LRRC4C: variants seen among roughly 807,000 people sequenced by gnomAD.
The protein encoded by LRRC4C is leucine-rich repeat-containing protein 4C.
LRRC4C carries 5 observed loss-of-function variants against 33.6 expected under a neutral mutation model. The ratio of observed to expected loss-of-function variants is 0.15; its 90% CI spans 0.08 to 0.31. The LOEUF is 0.31. Among genes scored for constraint, LRRC4C ranks in the 10% least tolerant of loss-of-function variants. The pLI, the probability that LRRC4C is intolerant of heterozygous loss-of-function variation, is 1.00. For synonymous variants in LRRC4C, 329 were observed against 302.0 expected, an observed-to-expected ratio of 1.09 and a Z score of -0.93; for missense variants, 560 against 796.7, an observed-to-expected ratio of 0.70 and a Z score of 3.58.
chr11:40,826,809 T>C (rs1230987569), intron 2 of LRRC4C, among the ~76,000 whole-genome samples: 2 of 151,948 alleles, frequency 1.3e-5, no homozygotes, highest in Non-Finnish European at 2.9e-5. Context: ...ACTGGAAGGA[T>C]TTCAATTCAG....
intron 3 of LRRC4C, among the ~76,000 whole-genome samples, chr11:40,506,599 T>A (rs1208213404): frequency 1.3e-5 from 2 of 152,108 alleles, no homozygotes; most frequent in African/African-American, 4.8e-5. Context: ...TCTCAAGGTT[T>A]AATCATGAAA....
intron 1 of LRRC4C, among the ~76,000 whole-genome samples, chr11:41,430,566 A>G (rs1955196528): frequency 6.6e-6 from 1 of 152,126 alleles, no homozygotes; most frequent in Admixed American, 6.6e-5. Flanking sequence ...GAAATCATCA[A>G]TATAAAAGAC....
chr11:40,862,557 A>G (rs1954155620), intron 2 of LRRC4C, among the ~76,000 whole-genome samples: 2 of 152,224 alleles, frequency 1.3e-5, no homozygotes, highest in Non-Finnish European at 2.9e-5. Context: ...TAAAAACCCA[A>G]ACAACTGACT....
At chr11:40,530,342 T>C (rs1956223669) in intron 3 of LRRC4C, among the ~76,000 whole-genome samples, 1 of 152,112 alleles carries the variant, frequency 6.6e-6, no homozygotes, top group Non-Finnish European at 1.5e-5. Flanking sequence ...CATGAATTTA[T>C]AGGATGTCGC....
chr11:41,366,425 T>C (rs1311121377), intron 1 of LRRC4C, among the ~76,000 whole-genome samples: 1 of 152,164 alleles, frequency 6.6e-6, no homozygotes, highest in Non-Finnish European at 1.5e-5. Flanking sequence ...ATTTTTTTGA[T>C]ATTTATGTTC....
chr11:40,665,526 ACT>A (rs948024575), intron 2 of LRRC4C, among the ~76,000 whole-genome samples: 4 of 151,056 alleles, frequency 2.6e-5, no homozygotes, highest in African/African-American at 9.8e-5. Flanking sequence ...GCATACCATG[ACT>A]CTTTCAGAGA....
chr11:40,983,070 A>G (rs921281572), intron 1 of LRRC4C, among the ~76,000 whole-genome samples: 1 of 152,160 alleles, frequency 6.6e-6, no homozygotes, highest in African/African-American at 2.4e-5. Context: ...TATCCAGTCT[A>G]TTATTAGTGG....
rs78853363 is a variant in LRRC4C at position 41,062,089 on chromosome 11, A to G, written c.-495-128366T>C. Among the ~76,000 whole-genome samples, 1,228 of 152,354 alleles carry G rather than the reference A, an allele frequency of 8.1e-3. 20 individuals carry two copies. The highest frequency in any genetic ancestry group is 0.028 in the African/African-American group (1,183 of 41,578). ...TTCTCACTATGGAAAATTTAATGAA[A>G]TAAAGTTTAAAAAACTTATTATAAT... On this transcript the variant is annotated intron_variant, in intron 1 of 6. Coordinates refer to ENST00000528697, the MANE Select transcript of LRRC4C (RefSeq NM_001258419.2).
At chr11:40,990,045 G>T (rs1388498374) in intron 1 of LRRC4C, among the ~76,000 whole-genome samples, 1 of 150,982 alleles carries the variant, frequency 6.6e-6, no homozygotes, top group African/African-American at 2.4e-5. Context: ...AGGGGCTTGA[G>T]TATGCAGAGA....
At chr11:40,425,317 C>G (rs1321927973) in intron 3 of LRRC4C, among the ~76,000 whole-genome samples, 2 of 152,068 alleles carry the variant, frequency 1.3e-5, no homozygotes, top group African/African-American at 4.8e-5. Context: ...AAGGATCAGC[C>G]TCTACATGAG....
chr11:41,286,655 T>C (rs916477176), intron 1 of LRRC4C, among the ~76,000 whole-genome samples: 3 of 71,550 alleles, frequency 4.2e-5, no homozygotes, highest in African/African-American at 1.3e-4. Context: ...CATTTACTCT[T>C]TCCTACTATT....
At chr11:40,813,692 T>C (rs1448570786) in intron 2 of LRRC4C, among the ~76,000 whole-genome samples, 12 of 152,114 alleles carry the variant, frequency 7.9e-5, no homozygotes, top group African/African-American at 2.9e-4. Context: ...CCTATGATCC[T>C]GTAAAATCAA....
chr11:41,229,831 G>C lies in LRRC4C; in HGVS notation c.-496+229600C>G, dbSNP rs545420468. ...TTCCCCCTGATAACTCTGATGTTTT[G>C]TGCCTTTGATTACTGATCTTACCTT... is the stretch of plus-strand genomic sequence containing the variant. On this transcript the variant is annotated intron_variant, in intron 1 of 6. Coordinates refer to ENST00000528697, the MANE Select transcript of LRRC4C (RefSeq NM_001258419.2). Among the ~76,000 whole-genome samples, 3 of 152,128 alleles carry C rather than the reference G, an allele frequency of 2.0e-5. No homozygotes were observed. The East Asian group carries it at 5.8e-4, about 29-fold the overall frequency.
At chr11:41,111,409 T>G (rs1941823511) in intron 1 of LRRC4C, among the ~76,000 whole-genome samples, 1 of 152,072 alleles carries the variant, frequency 6.6e-6, no homozygotes, top group Admixed American at 6.6e-5. Flanking sequence ...TCTGTGAACA[T>G]AGCTTTGAAT....
chr11:40,736,494 A>G (rs61887982), intron 2 of LRRC4C, among the ~76,000 whole-genome samples: 59,611 of 151,972 alleles, frequency 0.39, 12,291 homozygotes, highest in Middle Eastern at 0.47. Context: ...GTGTTTTTGC[A>G]GTAGAATTAT....
intron 3 of LRRC4C, among the ~76,000 whole-genome samples, chr11:40,328,853 G>A (rs1946218538): frequency 6.6e-6 from 1 of 152,238 alleles, no homozygotes. Flanking sequence ...TCATAAATGT[G>A]AAAAAGGTAA....
chr11:40,837,456 G>C (rs1952722492), intron 2 of LRRC4C, among the ~76,000 whole-genome samples: 1 of 151,956 alleles, frequency 6.6e-6, no homozygotes, highest in Non-Finnish European at 1.5e-5. Context: ...AAGAATAATA[G>C]CAAAAGCTGA....
At chr11:40,731,291 C>T (rs1482932606) in intron 2 of LRRC4C, among the ~76,000 whole-genome samples, 1 of 151,916 alleles carries the variant, frequency 6.6e-6, no homozygotes, top group African/African-American at 2.4e-5. Flanking sequence ...TGCACTCCAG[C>T]CTGGGCAACA....
chr11:41,122,645 G>A (rs1432603913), intron 1 of LRRC4C, among the ~76,000 whole-genome samples: 2 of 151,736 alleles, frequency 1.3e-5, no homozygotes, highest in African/African-American at 4.8e-5. Context: ...TATAAATATG[G>A]CATGATCAAA....
Sources: allele counts gnomAD v4.1 joint callset (sites outside exome capture counted in the v4.1 genomes callset), GRCh38; gene constraint gnomAD v4.1.1; transcripts MANE v1.5; gene names NCBI Gene and HGNC (gene_info 2026-07-23, HGNC 2026-07-21).